Variants in BTBD9 observed in about 807,000 individuals in gnomAD.
BTBD9 encodes BTB domain containing 9.
In BTBD9, 49 loss-of-function variants were observed where a neutral mutation model predicts 64.3. That is an observed-to-expected ratio of 0.76 (90% CI 0.61 to 0.97). BTBD9 has a LOEUF of 0.97. Ranked by LOEUF, BTBD9 falls within the 50% of genes least tolerant of loss-of-function variation. BTBD9 has a pLI of 0.00. For missense variants in BTBD9, 598 were observed against 762.1 expected (o/e 0.78, Z 2.53); for synonymous variants, 260 against 274.7 (o/e 0.95, Z 0.53).
chr6:38,426,947 G>A (rs1239844948), intron 6 of BTBD9, among the ~76,000 whole-genome samples: 3 of 151,820 alleles, frequency 2.0e-5, no homozygotes, highest in Middle Eastern at 3.4e-3. Context: ...CCAGCCTCCA[G>A]TGTCCCCTGA....
chr6:38,461,256 A>C (rs1236399025), intron 6 of BTBD9, among the ~76,000 whole-genome samples: 1 of 152,200 alleles, frequency 6.6e-6, no homozygotes, highest in East Asian at 1.9e-4. Flanking sequence ...CACCACAATC[A>C]AGATAATGAA....
At chr6:38,293,412 C>T (rs1358104292) in intron 7 of BTBD9, among the ~76,000 whole-genome samples, 7 of 152,174 alleles carry the variant, frequency 4.6e-5, no homozygotes, top group Admixed American at 1.3e-4. Context: ...TACCTGACTT[C>T]AAACTACACT....
intron 1 of BTBD9, among the ~76,000 whole-genome samples, chr6:38,616,388 T>A (rs1028009928): frequency 3.9e-5 from 6 of 152,206 alleles, no homozygotes; most frequent in East Asian, 1.9e-4. Context: ...CTACTTTTTA[T>A]AACAAATATT....
At chr6:38,201,977 G>A (rs1762474409) in intron 9 of BTBD9, among the ~76,000 whole-genome samples, 1 of 151,816 alleles carries the variant, frequency 6.6e-6, no homozygotes, top group African/African-American at 2.4e-5. Context: ...TATGCTCATG[G>A]ATTAGAATAA....
In BTBD9 at chr6:38,411,884, C is replaced by T. The variant is rs1019971486; in HGVS notation, c.1155-66791G>A. Among the ~76,000 whole-genome samples the T allele has an allele frequency of 2.6e-5, 4 of 152,076 alleles. No individual in the cohort carries two copies. In the East Asian group the frequency reaches 7.7e-4, roughly 29 times the overall value. On this transcript the variant is annotated intron_variant, in intron 6 of 10. Transcript: ENST00000481247. ...CCCAGGAGGCAGAGGTTACAATGAGCCAAGATTGTGTCATTTGGGCAACAG... is the reference window on the plus strand; with the variant it reads ...CCCAGGAGGCAGAGGTTACAATGAGTCAAGATTGTGTCATTTGGGCAACAG...
intron 7 of BTBD9, among the ~76,000 whole-genome samples, chr6:38,295,730 A>G (rs188462177): frequency 7.8e-4 from 118 of 152,200 alleles, no homozygotes; most frequent in Non-Finnish European, 1.5e-3. Flanking sequence ...GTTTTTGTAT[A>G]TATTTGCATC....
chr6:38,614,239 T>C (rs1777715942), intron 1 of BTBD9, among the ~76,000 whole-genome samples: 1 of 152,160 alleles, frequency 6.6e-6, no homozygotes, highest in African/African-American at 2.4e-5. Flanking sequence ...CTAGGTCACC[T>C]CTTCTGTCAG....
intron 8 of BTBD9, among the ~76,000 whole-genome samples, chr6:38,274,522 T>TA (rs1309823102): frequency 1.3e-5 from 2 of 152,204 alleles, no homozygotes; most frequent in Non-Finnish European, 2.9e-5. Flanking sequence ...GGGTTTGTCA[T>TA]AGATAGCTCT....
At chr6:38,376,499 C>T (rs1765700407) in intron 6 of BTBD9, among the ~76,000 whole-genome samples, 1 of 152,096 alleles carries the variant, frequency 6.6e-6, no homozygotes, top group South Asian at 2.1e-4. Flanking sequence ...ATAAAATACA[C>T]ACATCTCAAG....
chr6:38,580,476 T>C, intron 4 of BTBD9, 39 bp from the exon 5 acceptor site: 4 of 1,511,226 alleles, frequency 2.6e-6, no homozygotes, highest in Non-Finnish European at 3.6e-6. Flanking sequence ...TAATGATTAC[T>C]TATTTATTCT....
At chr6:38,479,263 C>T (rs1771024572) in intron 6 of BTBD9, among the ~76,000 whole-genome samples, 1 of 152,102 alleles carries the variant, frequency 6.6e-6, no homozygotes, top group South Asian at 2.1e-4. Flanking sequence ...CCTCTCCCGA[C>T]GGCTTCCCAC....
chr6:38,553,386 G>A (rs1457341096), intron 6 of BTBD9, among the ~76,000 whole-genome samples: 2 of 152,268 alleles, frequency 1.3e-5, no homozygotes, highest in East Asian at 3.9e-4. Context: ...GGGCAGGCTG[G>A]TCACTAAAAC....
chr6:38,204,918 T>C (rs529667871), intron 9 of BTBD9, among the ~76,000 whole-genome samples: 3 of 151,860 alleles, frequency 2.0e-5, no homozygotes, highest in Non-Finnish European at 4.4e-5. Context: ...TAAAATGATA[T>C]GAAAAAATAA....
rs80052863 is a variant in BTBD9, at chr6:38,366,667, A to G, written c.1155-21574T>C. Among the ~76,000 whole-genome samples the G allele has an allele frequency of 1.8e-3, 273 of 152,360 alleles. 1 individual carries two copies. The highest frequency in any genetic ancestry group is 6.3e-3 in the African/African-American group (260 of 41,598). Reference sequence around the variant, plus strand: ...AAACATTGAAATGCTCCTAAACAGTATCAAGCACACAACTGTGATTGGTCC... The same window carrying G: ...AAACATTGAAATGCTCCTAAACAGTGTCAAGCACACAACTGTGATTGGTCC... On this transcript the variant is annotated intron_variant, in intron 6 of 10. Coordinates refer to ENST00000481247, the MANE Select transcript of BTBD9 (RefSeq NM_001099272.2).
At chr6:38,413,596 T>C (rs753450283) in intron 6 of BTBD9, among the ~76,000 whole-genome samples, 1 of 152,124 alleles carries the variant, frequency 6.6e-6, no homozygotes, top group Non-Finnish European at 1.5e-5. Context: ...ACTTTCAAAA[T>C]ACAGAGATCA....
At chr6:38,494,878 T>C (rs573033582) in intron 6 of BTBD9, among the ~76,000 whole-genome samples, 1 of 152,360 alleles carries the variant, frequency 6.6e-6, no homozygotes, top group South Asian at 2.1e-4. Flanking sequence ...TTTTAATAAC[T>C]ACTGCCATAG....
Position 38,337,729 on chromosome 6 carries a change from C to T in BTBD9, c.1264+7255G>A, listed in dbSNP as rs1006196488. On this transcript the variant is annotated intron_variant, in intron 7 of 10. Transcript: ENST00000481247. ...TTGGAAGGAGCCCCCTTTACAGTGCCTGTCTTCCGGTCTTTGTGCCAGGAA... is the reference window on the plus strand; with the variant it reads ...TTGGAAGGAGCCCCCTTTACAGTGCTTGTCTTCCGGTCTTTGTGCCAGGAA... Among the ~76,000 whole-genome samples the T allele has an allele frequency of 2.6e-5, 4 of 152,348 alleles. No individual in the cohort carries two copies. The East Asian group carries it at 5.8e-4, about 22-fold the overall frequency.
At chr6:38,262,785 G>A (rs1307675008) in intron 8 of BTBD9, among the ~76,000 whole-genome samples, 2 of 152,178 alleles carry the variant, frequency 1.3e-5, no homozygotes, top group Non-Finnish European at 2.9e-5. Context: ...CATTATGCAT[G>A]CGATGACAAA....
chr6:38,590,607 C>T (rs114961854), intron 4 of BTBD9, among the ~76,000 whole-genome samples: 19 of 152,272 alleles, frequency 1.2e-4, no homozygotes, highest in African/African-American at 4.1e-4. Flanking sequence ...TAGTTTGGGA[C>T]AGAAGTTACA....
Sources: gnomAD v4.1 joint callset for allele counts (sites outside exome capture counted in the v4.1 genomes callset) on GRCh38, gnomAD v4.1.1 for gene constraint, MANE v1.5 for transcripts, NCBI Gene and HGNC (gene_info 2026-07-23, HGNC 2026-07-21) for gene names.